The following CTPS2 variants were observed in gnomAD, a reference collection of about 807,000 sequenced individuals.
CTPS2 encodes CTP synthase 2.
In CTPS2, 19 loss-of-function variants were observed where a neutral mutation model predicts 46.8. The observed-to-expected ratio is 0.41, with a 90% CI of 0.28 to 0.60. CTPS2 has a LOEUF of 0.60. Ranked by LOEUF, CTPS2 falls within the 20% of genes least tolerant of loss-of-function variation. The pLI is 0.35. For missense variants in CTPS2, 286 were observed against 447.6 expected, an observed-to-expected ratio of 0.64 and a Z score of 3.26; for synonymous variants, 151 against 165.2, an observed-to-expected ratio of 0.91 and a Z score of 0.66.
chrX:16,653,339 T>C (rs1160627282), intron 13 of CTPS2, among the ~76,000 whole-genome samples: 2 of 112,031 alleles, frequency 1.8e-5, no homozygotes, highest in African/African-American at 6.5e-5. Flanking sequence ...TCTCAAGCAG[T>C]GGTTCTCCAA....
chrX:16,631,271 C>T (rs767550547), intron 14 of CTPS2, among the ~76,000 whole-genome samples: 2 of 109,882 alleles, frequency 1.8e-5, no homozygotes, highest in East Asian at 2.9e-4. Flanking sequence ...TTGCTTGAAC[C>T]CGGGAGGTGG....
intron 13 of CTPS2, among the ~76,000 whole-genome samples, chrX:16,662,508 CA>C (rs746411449): frequency 9.0e-6 from 1 of 110,895 alleles, no homozygotes; most frequent in East Asian, 2.8e-4. Flanking sequence ...AAAGGAGGGT[CA>C]TGATGACCTA....
chrX:16,603,510 C>G (rs1929796577), intron 17 of CTPS2, among the ~76,000 whole-genome samples: 1 of 110,790 alleles, frequency 9.0e-6, no homozygotes, highest in Non-Finnish European at 1.9e-5. Context: ...CAGACCGTCA[C>G]TGTATCACTC....
At chrX:16,623,900 C>T (rs747905424) in intron 14 of CTPS2, among the ~76,000 whole-genome samples, 11 of 101,319 alleles carry the variant, frequency 1.1e-4, no homozygotes, top group African/African-American at 7.3e-5. Context: ...CTCCGCCTCC[C>T]GGGTTCAAGC....
chrX:16,696,363 G>T (rs990478710), intron 4 of CTPS2, among the ~76,000 whole-genome samples: 2 of 111,477 alleles, frequency 1.8e-5, no homozygotes, highest in African/African-American at 6.5e-5. Context: ...ACGGAGAAGG[G>T]GTTCTGTTTG....
chrX:16,632,263 C>G (rs1355104662), intron 14 of CTPS2, among the ~76,000 whole-genome samples: 3 of 110,820 alleles, frequency 2.7e-5, no homozygotes, highest in African/African-American at 9.8e-5. Context: ...AAAGAGAAAC[C>G]CCGTCTCTAT....
At chrX:16,692,281 AACACACACACAC>A (rs776817822) in intron 6 of CTPS2, among the ~76,000 whole-genome samples, 1 of 106,080 alleles carries the variant, frequency 9.4e-6, no homozygotes, top group Non-Finnish European at 2.0e-5. Flanking sequence ...TGTCTCTACA[AACACACACACAC>A]ACACACACAC....
At chrX:16,603,144 C>T (rs1929759128) in intron 17 of CTPS2, among the ~76,000 whole-genome samples, 1 of 111,636 alleles carries the variant, frequency 9.0e-6, no homozygotes, top group Non-Finnish European at 1.9e-5. Flanking sequence ...TGGCCTGGCG[C>T]GGTGGCTCAC....
chrX:16,595,740 G>A (rs1348330306), intron 17 of CTPS2, among the ~76,000 whole-genome samples: 1 of 112,280 alleles, frequency 8.9e-6, no homozygotes, highest in African/African-American at 3.2e-5. Context: ...TACCATATAT[G>A]GTAGTGCAGA....
Position 16,596,382 on chromosome X carries a change from C to A in CTPS2, c.1692-5520G>T, listed in dbSNP as rs189936797. Among the ~76,000 whole-genome samples, 782 of 102,327 alleles carry A rather than the reference C, an allele frequency of 7.6e-3. 7 individuals carry two copies. Among genetic ancestry groups the A allele is most frequent in the African/African-American group, 0.026 (734 of 27,738 alleles). 88.9% of individuals were successfully genotyped at this position (102,327 alleles called of 115,157 possible). ...ACAGTCCCCAGAGTGTGATGTTCCC[C>A]TTCCTGTGTCCATGTGTTCTCATTG... On this transcript the variant is annotated intron_variant, in intron 17 of 18. Transcript: ENST00000359276.
At chrX:16,606,172 G>C (rs1247387269) in intron 17 of CTPS2, among the ~76,000 whole-genome samples, 2 of 112,468 alleles carry the variant, frequency 1.8e-5, no homozygotes, top group African/African-American at 6.5e-5. Context: ...CCATACAATT[G>C]AATATCATCA....
chrX:16,604,693 G>C (rs1929871135), intron 17 of CTPS2, among the ~76,000 whole-genome samples: 1 of 110,707 alleles, frequency 9.0e-6, no homozygotes, highest in Admixed American at 9.6e-5. Flanking sequence ...TCTGTTTCTA[G>C]ATTTAAACAA....
chrX:16,693,022 A>C, intron 6 of CTPS2, 119 bp downstream of exon 6: 1 of 527,241 alleles, frequency 1.9e-6, no homozygotes, highest in Non-Finnish European at 3.2e-6. Context: ...GCACCACTGC[A>C]CTCCAGCCTG....
At chrX:16,703,003 G>T in intron 1 of CTPS2, 62 bp from the exon 2 acceptor site, 4 of 668,188 alleles carry the variant, frequency 6.0e-6, no homozygotes, top group Non-Finnish European at 8.8e-6. Flanking sequence ...AAAGCAGACA[G>T]TGTATTCAAC....
chrX:16,639,073 C>T lies in CTPS2; in HGVS notation c.1393+74G>A, dbSNP rs915754595. On this transcript the variant is annotated intron_variant, in intron 14 of 18. Coordinates refer to ENST00000359276, the MANE Select transcript of CTPS2 (RefSeq NM_175859.3). Reference sequence around the variant, plus strand: ...AAGGGGCAGGGGGAGTCTCCACCACCCAGAGTGCTGGGCACCTGCAGTCAC... The same window carrying T: ...AAGGGGCAGGGGGAGTCTCCACCACTCAGAGTGCTGGGCACCTGCAGTCAC... 80 of 822,400 alleles carry T rather than the reference C, an allele frequency of 9.7e-5. 1 individual carries two copies. Among genetic ancestry groups the T allele is most frequent in the Non-Finnish European group, 1.3e-4 (72 of 545,088 alleles). 67.8% of individuals were successfully genotyped at this position (822,400 alleles called of 1,213,427 possible). A position where few individuals can be genotyped will look rare whatever the true frequency, so the allele number is the denominator to read the frequency against.
At chrX:16,659,624 A>AC (rs1037386301) in intron 13 of CTPS2, among the ~76,000 whole-genome samples, 8 of 77,537 alleles carry the variant, frequency 1.0e-4, no homozygotes, top group African/African-American at 4.5e-4. Flanking sequence ...TCACAGAATG[A>AC]CAAAAAAAAA....
At chrX:16,701,647 G>T (rs1394872371) in intron 2 of CTPS2, among the ~76,000 whole-genome samples, 1 of 108,606 alleles carries the variant, frequency 9.2e-6, no homozygotes, top group African/African-American at 3.3e-5. Flanking sequence ...TGTCACCCAG[G>T]CTGGAGTGCA....
chrX:16,645,541 C>G (rs929458874), intron 13 of CTPS2, among the ~76,000 whole-genome samples: 10 of 111,942 alleles, frequency 8.9e-5, no homozygotes, highest in Non-Finnish European at 1.7e-4. Flanking sequence ...TTTCTGGCTT[C>G]CAACCTGCGC....
chrX:16,627,548 A>T (rs1931222834), intron 14 of CTPS2, among the ~76,000 whole-genome samples: 2 of 111,675 alleles, frequency 1.8e-5, no homozygotes. Flanking sequence ...GATGGGGCAC[A>T]TGCTTGCTGA....
Sources: gnomAD v4.1 joint callset for allele counts (sites outside exome capture counted in the v4.1 genomes callset) on GRCh38, gnomAD v4.1.1 for gene constraint, MANE v1.5 for transcripts, NCBI Gene and HGNC (gene_info 2026-07-23, HGNC 2026-07-21) for gene names.